Variants in CDIN1 observed in about 807,000 individuals in gnomAD.
The protein encoded by CDIN1 is CDAN1-interacting nuclease 1.
Under a neutral mutation model 45.3 loss-of-function variants are expected in CDIN1, and 33 were observed. That is an observed-to-expected ratio of 0.73 (90% CI 0.55 to 0.97). The LOEUF (loss-of-function observed/expected upper bound fraction) is 0.97. CDIN1 is among the 50% of genes least tolerant of loss of function. CDIN1 has a pLI of 0.00. For synonymous variants in CDIN1, 118 were observed against 124.4 expected (o/e 0.95, Z 0.34); for missense variants, 303 against 339.4 (o/e 0.89, Z 0.84).
At chr15:36,643,861 T>G (rs1212227388) in intron 1 of CDIN1, among the ~76,000 whole-genome samples, 2 of 152,208 alleles carry the variant, frequency 1.3e-5, no homozygotes, top group Non-Finnish European at 2.9e-5. Context: ...AATACCTGTC[T>G]GCTAACAAAA....
chr15:36,587,267 C>T (rs77848676), intron 1 of CDIN1, among the ~76,000 whole-genome samples: 7,593 of 152,230 alleles, frequency 0.05, 283 homozygotes, highest in African/African-American at 0.11. Context: ...ATGACATAGG[C>T]AACCATTCAC....
intron 8 of CDIN1, chr15:36,706,620 A>AG (rs1420585587): frequency 6.6e-6 from 1 of 152,082 alleles, no homozygotes; most frequent in East Asian, 1.9e-4. Flanking sequence ...CTCAAAAAAA[A>AG]AAACAAAAAA....
At chr15:36,623,091 G>C (rs921503879) in intron 1 of CDIN1, among the ~76,000 whole-genome samples, 3 of 152,074 alleles carry the variant, frequency 2.0e-5, no homozygotes, top group African/African-American at 4.8e-5. Context: ...CAGCTTTTGG[G>C]GGCTTTCACA....
At chr15:36,796,167 A>G (rs934748653) in intron 10 of CDIN1, among the ~76,000 whole-genome samples, 3 of 152,162 alleles carry the variant, frequency 2.0e-5, no homozygotes, top group Non-Finnish European at 4.4e-5. Context: ...TTAGTGGAGA[A>G]GAGTTCAGAA....
chr15:36,663,058 T>G (rs1595439791), intron 5 of CDIN1, among the ~76,000 whole-genome samples: 1 of 152,118 alleles, frequency 6.6e-6, no homozygotes, highest in South Asian at 2.1e-4. Context: ...AAACATCTCT[T>G]TGAAAGGAAT....
intron 1 of CDIN1, among the ~76,000 whole-genome samples, chr15:36,620,360 A>AAAAAT (rs1279351176): frequency 1.4e-4 from 21 of 152,174 alleles, no homozygotes; most frequent in African/African-American, 5.1e-4. Flanking sequence ...CAAAAAAAAT[A>AAAAAT]AAAATAAAAT....
rs1245799129 is a variant in CDIN1 at position 36,618,698 on chromosome 15, A to G, written c.102-25580A>G. On this transcript the variant is annotated intron_variant, in intron 1 of 10. Transcript: ENST00000566621. ...CAGACAGAATGCACTTCTGCCCAGC[A>G]ACTCAGTATGAGTACCAGTTCTCCA... 3.8e-6 allele frequency: 3 copies of G among 799,548 alleles called. No homozygotes were observed. In the African/African-American group the frequency reaches 5.1e-5, roughly 13 times the overall value. 49.5% of individuals were successfully genotyped at this position (799,548 alleles called of 1,614,324 possible).
chr15:36,644,347 G>A (rs1459285378), intron 2 of CDIN1, 24 bp downstream of exon 2: 12 of 1,604,812 alleles, frequency 7.5e-6, no homozygotes, highest in African/African-American at 6.7e-5. Context: ...TCCTTTGTGA[G>A]GGTTGACAGG....
intron 1 of CDIN1, chr15:36,617,213 C>T: frequency 1.1e-6 from 1 of 869,810 alleles, no homozygotes. Flanking sequence ...ACTGAAAGCT[C>T]TTGGCATGAA....
At chr15:36,797,410 C>T (rs905140176) in intron 10 of CDIN1, among the ~76,000 whole-genome samples, 1 of 152,158 alleles carries the variant, frequency 6.6e-6, no homozygotes, top group African/African-American at 2.4e-5. Flanking sequence ...GCAAGAGCCA[C>T]CTGTGTGCAG....
At chr15:36,633,993 CT>C (rs2039791394) in intron 1 of CDIN1, among the ~76,000 whole-genome samples, 3 of 151,984 alleles carry the variant, frequency 2.0e-5, no homozygotes, top group Non-Finnish European at 4.4e-5. Flanking sequence ...CTCAAGTGAT[CT>C]GCTCGCCTCG....
At chr15:36,799,608 A>G (rs889098602) in intron 10 of CDIN1, 24 of 152,212 alleles carry the variant, frequency 1.6e-4, no homozygotes, top group Non-Finnish European at 2.9e-5. Flanking sequence ...TCATTGCTCT[A>G]ATTAGTCTGT....
chr15:36,619,756 G>C (rs373580919), intron 1 of CDIN1, among the ~76,000 whole-genome samples: 1 of 152,100 alleles, frequency 6.6e-6, no homozygotes, highest in East Asian at 1.9e-4. Context: ...AAAGTTTGGC[G>C]TGGAGAATGC....
At chr15:36,654,321 A>T (rs2040693754) in intron 4 of CDIN1, among the ~76,000 whole-genome samples, 163 bp downstream of exon 4, 1 of 152,200 alleles carries the variant, frequency 6.6e-6, no homozygotes, top group Non-Finnish European at 1.5e-5. Context: ...TAGTAATTGG[A>T]CAAAGAACTT....
chr15:36,618,060 A>G, intron 1 of CDIN1: 1 of 762,614 alleles, frequency 1.3e-6, no homozygotes, highest in Non-Finnish European at 2.4e-6. Flanking sequence ...ATTATTCCTC[A>G]GTCTTGGTCT....
At chr15:36,609,431 A>T (rs2038541570) in intron 1 of CDIN1, among the ~76,000 whole-genome samples, 1 of 152,178 alleles carries the variant, frequency 6.6e-6, no homozygotes, top group South Asian at 2.1e-4. Flanking sequence ...AAATAACTAT[A>T]ATTGTAAAGA....
At chr15:36,582,345 G>A (rs941718753) in intron 1 of CDIN1, among the ~76,000 whole-genome samples, 5 of 152,216 alleles carry the variant, frequency 3.3e-5, no homozygotes, top group Non-Finnish European at 7.3e-5. Context: ...ATTTACTCTA[G>A]TCATACAGAA....
At chr15:36,617,420 A>G (rs2038946569) in intron 1 of CDIN1, 1 of 1,287,794 alleles carries the variant, frequency 7.8e-7, no homozygotes, top group African/African-American at 1.5e-5. Flanking sequence ...GGAGAAAGCA[A>G]TTCAGCAATT....
At chr15:36,712,320 C>T (rs2043083510) in intron 10 of CDIN1, among the ~76,000 whole-genome samples, 1 of 118,282 alleles carries the variant, frequency 8.5e-6, no homozygotes, top group Admixed American at 1.2e-4. Flanking sequence ...GGGTGGAGTG[C>T]AGTAGTGTGA....
Sources: allele counts gnomAD v4.1 joint callset (sites outside exome capture counted in the v4.1 genomes callset), GRCh38; gene constraint gnomAD v4.1.1; transcripts MANE v1.5; gene names NCBI Gene and HGNC (gene_info 2026-07-23, HGNC 2026-07-21).